Variants in TMEM131L observed in about 807,000 individuals in gnomAD.
The protein encoded by TMEM131L is transmembrane 131 like.
In TMEM131L, 54 loss-of-function variants were observed where a neutral mutation model predicts 192.2. The ratio of observed to expected loss-of-function variants is 0.28; its 90% CI spans 0.23 to 0.35. The LOEUF (loss-of-function observed/expected upper bound fraction) is 0.35. Ranked by LOEUF, TMEM131L falls within the 10% of genes least tolerant of loss-of-function variation. TMEM131L has a pLI of 1.00. For missense variants in TMEM131L, 1,888 were observed against 1,972.9 expected (o/e 0.96, Z 0.82); for synonymous variants, 701 against 704.9 (o/e 0.99, Z 0.09).
intron 3 of TMEM131L, among the ~76,000 whole-genome samples, chr4:153,493,311 A>C (rs1378144597): frequency 7.5e-6 from 1 of 133,032 alleles, no homozygotes; most frequent in Non-Finnish European, 1.6e-5. Flanking sequence ...GTGCCACTGC[A>C]TTCCAGCCTG....
chr4:153,596,206 A>G (rs1040391758), intron 19 of TMEM131L, 52 bp from the exon 20 acceptor site: 7 of 1,604,054 alleles, frequency 4.4e-6, no homozygotes, highest in Non-Finnish European at 6.0e-6. Context: ...CTTAATGACA[A>G]TGGAAGCTTG....
Position 153,603,446 on chromosome 4 carries a change from C to T in TMEM131L, c.2783C>T (p.Ser928Phe), listed in dbSNP as rs1448835099. The change falls in exon 24 of 35, where the codon TCT (serine) becomes TTT (phenylalanine). Residue 928 changes from serine (S) to phenylalanine (F), a missense_variant. Ser to Phe is a radical substitution (Grantham distance 155, BLOSUM62 -2). Transcript: ENST00000409959. ...CCTATGGATGTAATCAGCCCCCATT[C>T]TTACAAGTAAGAATTCTTATAGTGT... ...NGPMDVISPHSYKSNCKNFLD... is the reference protein window; with the variant it reads ...NGPMDVISPHFYKSNCKNFLD... 6.2e-7 allele frequency: 1 copy of T among 1,613,176 alleles called. No individual in the cohort carries two copies. The highest frequency in any genetic ancestry group is 1.3e-5 in the African/African-American group (1 of 74,890).
intron 11 of TMEM131L, among the ~76,000 whole-genome samples, chr4:153,584,057 C>T (rs1336161043): frequency 6.6e-6 from 1 of 152,158 alleles, no homozygotes; most frequent in Non-Finnish European, 1.5e-5. Context: ...AGTTTATCCT[C>T]CAGATATGTA....
At chr4:153,469,248 A>G (rs770662706) in intron 2 of TMEM131L, among the ~76,000 whole-genome samples, 23 of 151,912 alleles carry the variant, frequency 1.5e-4, no homozygotes, top group Non-Finnish European at 3.1e-4. Flanking sequence ...TACTTCATCC[A>G]TATCTCTACG....
chr4:153,502,610 T>G (rs1482894598), intron 3 of TMEM131L, among the ~76,000 whole-genome samples: 1 of 152,374 alleles, frequency 6.6e-6, no homozygotes, highest in South Asian at 2.1e-4. Flanking sequence ...TGGCTTCTGC[T>G]GAAAAAGTTC....
intron 31 of TMEM131L, among the ~76,000 whole-genome samples, chr4:153,630,566 A>G (rs764916405): frequency 3.3e-5 from 5 of 152,216 alleles, no homozygotes; most frequent in Non-Finnish European, 7.3e-5. Flanking sequence ...AACCACGGCC[A>G]GTGAGTTGAG....
In TMEM131L at chr4:153,634,321, C is replaced by T. The variant is rs1262266220; in HGVS notation, c.4417+41C>T. 2.0e-6 allele frequency: 3 copies of T among 1,475,514 alleles called. No homozygotes were observed. In the African/African-American group the frequency reaches 4.2e-5, roughly 20 times the overall value. The allele number at this position is 1,475,514 out of a possible 1,614,324, so 91.4% of individuals were successfully genotyped here. On this transcript the variant is annotated intron_variant, in intron 33 of 34. Coordinates refer to ENST00000409959, the MANE Select transcript of TMEM131L (RefSeq NM_001131007.2). ...ACAATCCCAACGCCATTATTTTATT[C>T]TTAGAAGGTCAAAGCAGGAAGTGTG...
intron 3 of TMEM131L, among the ~76,000 whole-genome samples, chr4:153,541,573 A>G (rs2150337684): frequency 6.6e-6 from 1 of 152,340 alleles, no homozygotes; most frequent in South Asian, 2.1e-4. Context: ...CCTGTGGGCC[A>G]TCCACGGGAT....
chr4:153,487,807 G>T (rs1007715763), intron 3 of TMEM131L, among the ~76,000 whole-genome samples: 2 of 151,284 alleles, frequency 1.3e-5, no homozygotes, highest in African/African-American at 4.9e-5. Context: ...AGGAGCCAGG[G>T]ACAAGGAGAG....
At chr4:153,476,435 C>G (rs565526832) in intron 3 of TMEM131L, among the ~76,000 whole-genome samples, 1 of 152,128 alleles carries the variant, frequency 6.6e-6, no homozygotes, top group African/African-American at 2.4e-5. Flanking sequence ...CAGTGGCTGA[C>G]GCCTGTAATC....
At chr4:153,475,906 G>A (rs1003570394) in intron 3 of TMEM131L, among the ~76,000 whole-genome samples, 2 of 152,124 alleles carry the variant, frequency 1.3e-5, no homozygotes, top group Non-Finnish European at 2.9e-5. Flanking sequence ...TTCTTGAGAC[G>A]TCCTGGAACC....
At chr4:153,563,208 A>C (rs947645570) in intron 7 of TMEM131L, among the ~76,000 whole-genome samples, 2 of 152,236 alleles carry the variant, frequency 1.3e-5, no homozygotes, top group African/African-American at 4.8e-5. Context: ...TGATCAGAGA[A>C]GGAAAAACAG....
intron 3 of TMEM131L, among the ~76,000 whole-genome samples, chr4:153,522,588 C>T (rs1270646715): frequency 2.0e-5 from 3 of 152,182 alleles, no homozygotes; most frequent in Non-Finnish European, 2.9e-5. Flanking sequence ...TCTCTCTTCT[C>T]GTTTGGCTCC....
At chr4:153,632,677 G>A (rs1274290354) in intron 31 of TMEM131L, 41 bp from the exon 32 acceptor site, 2 of 1,612,552 alleles carry the variant, frequency 1.2e-6, no homozygotes, top group Non-Finnish European at 8.5e-7. Flanking sequence ...ATGAGGGCCA[G>A]GTGAGGATAG....
intron 3 of TMEM131L, among the ~76,000 whole-genome samples, chr4:153,496,166 A>G (rs1733156060): frequency 6.6e-6 from 1 of 152,254 alleles, no homozygotes; most frequent in African/African-American, 2.4e-5. Flanking sequence ...TTTAACGGAT[A>G]GGAATTCTTT....
chr4:153,483,009 A>G (rs1190156431), intron 3 of TMEM131L, among the ~76,000 whole-genome samples: 3 of 152,200 alleles, frequency 2.0e-5, no homozygotes, highest in Non-Finnish European at 4.4e-5. Flanking sequence ...ATAATTCCAT[A>G]TTAAAGAATT....
At chr4:153,548,401 T>C (rs1229015514) in intron 3 of TMEM131L, among the ~76,000 whole-genome samples, 1 of 152,014 alleles carries the variant, frequency 6.6e-6, no homozygotes, top group Non-Finnish European at 1.5e-5. Context: ...GCGTCCCGGG[T>C]TCATGCTATT....
chr4:153,496,587 C>G (rs1733186202), intron 3 of TMEM131L, among the ~76,000 whole-genome samples: 1 of 152,196 alleles, frequency 6.6e-6, no homozygotes, highest in South Asian at 2.1e-4. Flanking sequence ...GAGACAGGGT[C>G]TCATTCTGTT....
At chr4:153,569,659 G>T (rs2150594278) in intron 7 of TMEM131L, among the ~76,000 whole-genome samples, 1 of 152,322 alleles carries the variant, frequency 6.6e-6, no homozygotes, top group South Asian at 2.1e-4. Flanking sequence ...GGTTCTGAGT[G>T]ACTGTAGCCA....
Sources: allele counts gnomAD v4.1 joint callset (sites outside exome capture counted in the v4.1 genomes callset), GRCh38; gene constraint gnomAD v4.1.1; transcripts MANE v1.5; gene names NCBI Gene and HGNC (gene_info 2026-07-23, HGNC 2026-07-21).